Variants in USP5 observed in about 807,000 individuals in gnomAD.
The protein encoded by USP5 is ubiquitin carboxyl-terminal hydrolase 5.
USP5 carries 24 observed loss-of-function variants against 102.5 expected under a neutral mutation model. The ratio of observed to expected loss-of-function variants is 0.23; its 90% CI spans 0.17 to 0.33. USP5 has a LOEUF of 0.33. USP5 is among the 10% of genes least tolerant of loss of function. USP5 has a pLI of 1.00. For synonymous variants in USP5, 460 were observed against 434.8 expected (o/e 1.06, Z -0.72); for missense variants, 753 against 1,122.1 (o/e 0.67, Z 4.70).
At position 6,864,454 on chromosome 12, in the gene USP5, G is replaced by C. The variant is rs1331412029; in HGVS notation, c.2244+259G>C. Among the ~76,000 whole-genome samples, 3 of 152,166 alleles carry C rather than the reference G, an allele frequency of 2.0e-5. No individual in the cohort carries two copies. Among genetic ancestry groups the C allele is most frequent in the Admixed American group, 6.5e-5 (1 of 15,280 alleles). On this transcript the variant is annotated intron_variant, in intron 17 of 19. Transcript: ENST00000229268. This position sits in a 1 kb window ranked among gnomAD's most constrained non-coding sequence, Gnocchi z 4.8. ...CCTGTAATCCCAGCACTTTGGGAGG[G>C]TGAGGTGGGCGGATCACGCGGTCAG...
At position 6,864,827 on chromosome 12, in the gene USP5, A is replaced by G. The variant is rs376244475; in HGVS notation, c.2350A>G (p.Ile784Val). ...AGAGGGCCGCTCAGCTGCCGACTCC[A>G]TCTCTGAGTCTGTGCCAGTGGGACC... ...ISEGRSAADS[I>V]SESVPVGPKV... is the part of the protein sequence containing the mutation. Residue 784 changes from isoleucine (I) to valine (V), a missense_variant, in exon 18 of 20, where the codon ATC (isoleucine) becomes GTC (valine). Transcript: ENST00000229268. This position sits in a 1 kb window ranked among gnomAD's most constrained non-coding sequence, Gnocchi z 4.8. 2.7e-5 allele frequency: 43 copies of G among 1,613,882 alleles called. No homozygotes were observed. The African/African-American group carries it at 4.5e-4, about 17-fold the overall frequency.
rs782443082 is a variant in USP5 at position 6,864,682 on chromosome 12, C to G, written c.2245-40C>G. On this transcript the variant is annotated intron_variant, in intron 17 of 19. Coordinates refer to ENST00000229268, the MANE Select transcript of USP5 (RefSeq NM_001098536.2). The surrounding 1 kb of genome is among the most constrained non-coding windows in gnomAD (Gnocchi z 4.8). Reference sequence around the variant, plus strand: ...CCAGCCTGGGCGACAGAGCAAGACTCCGTCTCAAGAAAAAAAGTAATGCTT... The same window carrying G: ...CCAGCCTGGGCGACAGAGCAAGACTGCGTCTCAAGAAAAAAAGTAATGCTT... 8.2e-6 allele frequency: 13 copies of G among 1,582,198 alleles called. No homozygotes were observed. Among genetic ancestry groups the G allele is most frequent in the Middle Eastern group, 1.7e-4 (1 of 5,986 alleles).
Position 6,864,612 on chromosome 12 carries a change from C to G in USP5, c.2245-110C>G, listed in dbSNP as rs61607719. 1,250 of 1,263,764 alleles carry G rather than the reference C, an allele frequency of 9.9e-4. 12 individuals carry two copies. In the African/African-American group the frequency reaches 0.016, roughly 16 times the overall value. 78.3% of individuals were successfully genotyped at this position (1,263,764 alleles called of 1,614,324 possible). ...GCTGAGGCAGGAGAAAGGCGTGAACCCGGGAGGCGGAGCTTGCAGTGAGCC... is the reference window on the plus strand; with the variant it reads ...GCTGAGGCAGGAGAAAGGCGTGAACGCGGGAGGCGGAGCTTGCAGTGAGCC... On this transcript the variant is annotated intron_variant, in intron 17 of 19. Transcript: ENST00000229268. This position sits in a 1 kb window ranked among gnomAD's most constrained non-coding sequence, Gnocchi z 4.8.
Position 6,855,856 on chromosome 12 carries a change from G to A in USP5, c.304+35G>A, listed in dbSNP as rs368471644. The stretch of plus-strand genomic sequence containing the variant: ...GCTGCAGTCCTATTCTTCTCCCTGA[G>A]CTGGTCTTTCTGGCTCTCAGCAGCA... On this transcript the variant is annotated intron_variant, in intron 3 of 19. Coordinates refer to ENST00000229268, the MANE Select transcript of USP5 (RefSeq NM_001098536.2). The surrounding 1 kb of genome is among the most constrained non-coding windows in gnomAD (Gnocchi z 4.6). 69 of 1,614,018 alleles carry A rather than the reference G, an allele frequency of 4.3e-5. No individual in the cohort carries two copies. In the African/African-American group the frequency reaches 8.4e-4, roughly 20 times the overall value.
chr12:6,865,130 G>A (rs1944398730), intron 18 of USP5, 34 bp from the exon 19 acceptor site: 1 of 1,570,482 alleles, frequency 6.4e-7, no homozygotes, highest in Non-Finnish European at 8.8e-7. Context: ...TTCCTCTTCT[G>A]TTTCCTTCTC....
intron 8 of USP5, among the ~76,000 whole-genome samples, 195 bp from the exon 9 acceptor site, chr12:6,859,275 G>A (rs781965141): frequency 6.6e-5 from 10 of 152,292 alleles, no homozygotes; most frequent in South Asian, 2.1e-4. Flanking sequence ...GCCGCCGAGC[G>A]TGCTTGCACA....
In USP5 at chr12:6,866,164, T is replaced by A; in HGVS notation, c.*87T>A. Reference sequence around the variant, plus strand: ...GCTGAGGGATGGACTTCAGCCCCTCTGCTCTGTACCCTTTTTCCTTTTGTC... The same window carrying A: ...GCTGAGGGATGGACTTCAGCCCCTCAGCTCTGTACCCTTTTTCCTTTTGTC... On this transcript the variant is annotated 3_prime_UTR_variant, in exon 20 of 20. Transcript: ENST00000229268. The surrounding 1 kb of genome is among the most constrained non-coding windows in gnomAD (Gnocchi z 4.7). The A allele has an allele frequency of 1.6e-6, 2 of 1,228,478 alleles. No individual in the cohort carries two copies. Among genetic ancestry groups the A allele is most frequent in the Non-Finnish European group, 2.4e-6 (2 of 849,754 alleles). 76.1% of individuals were successfully genotyped at this position (1,228,478 alleles called of 1,614,324 possible). A position where few individuals can be genotyped will look rare whatever the true frequency, so the allele number is the denominator to read the frequency against.
Position 6,861,583 on chromosome 12 carries a change from A to G in USP5, c.1639A>G (p.Ser547Gly). The G allele has an allele frequency of 6.3e-7, 1 of 1,587,850 alleles. No homozygotes were observed. Among genetic ancestry groups the G allele is most frequent in the Non-Finnish European group, 8.6e-7 (1 of 1,161,920 alleles). ...GAPEQVDDFW[S>G]TALQAKSVAV... ...CCCTGAGCAGGTCGATGACTTCTGG[A>G]GCACGGCCCTGCAGGCCAAGTCAGT... The change falls in exon 13 of 20, where the codon AGC becomes GGC. Residue 547 changes from serine to glycine, a missense_variant. By Grantham distance (56) the Ser-to-Gly change is moderately conservative. This residue lies in a region of USP5 where 527 missense variants were observed against 816.5 expected (regional missense o/e 0.65). Transcript: ENST00000229268. This position sits in a 1 kb window ranked among gnomAD's most constrained non-coding sequence, Gnocchi z 4.9.
At position 6,858,191 on chromosome 12, in the gene USP5, A is replaced by G. The variant is rs1565530979; in HGVS notation, c.865-233A>G. On this transcript the variant is annotated intron_variant, in intron 7 of 19. Coordinates refer to ENST00000229268, the MANE Select transcript of USP5 (RefSeq NM_001098536.2). The surrounding 1 kb of genome is among the most constrained non-coding windows in gnomAD (Gnocchi z 4.2). ...GGAAAAACATTTCAGGTAGAAGGAAATTTTATTCCTCATTCAAGCAGAGGC... is the reference window on the plus strand; with the variant it reads ...GGAAAAACATTTCAGGTAGAAGGAAGTTTTATTCCTCATTCAAGCAGAGGC... Among the ~76,000 whole-genome samples, 1 of 152,120 alleles carries G rather than the reference A, an allele frequency of 6.6e-6. No homozygotes were observed. Among genetic ancestry groups the G allele is most frequent in the Non-Finnish European group, 1.5e-5 (1 of 68,022 alleles).
In USP5 at chr12:6,864,572, C is replaced by T. The variant is rs782222479; in HGVS notation, c.2245-150C>T. 1.2e-5 allele frequency: 10 copies of T among 865,930 alleles called. No homozygotes were observed. The highest frequency in any genetic ancestry group is 1.1e-4 in the Admixed American group (4 of 36,018). The allele number at this position is 865,930 out of a possible 1,614,324, so 53.6% of individuals were successfully genotyped here. ...AGCGTGGTGGTGGGCGTCTGTAGTC[C>T]CAGCTACTTGGGAGGCTGAGGCAGG... is the stretch of plus-strand genomic sequence containing the variant. On this transcript the variant is annotated intron_variant, in intron 17 of 19. Transcript: ENST00000229268. This position sits in a 1 kb window ranked among gnomAD's most constrained non-coding sequence, Gnocchi z 4.8.
chr12:6,862,984 T>C (rs1373329631), intron 14 of USP5, among the ~76,000 whole-genome samples: 1 of 152,180 alleles, frequency 6.6e-6, no homozygotes, highest in Admixed American at 6.5e-5. Context: ...TTATTTATGG[T>C]AGATCTAGGA....
At position 6,863,239 on chromosome 12, in the gene USP5, G is replaced by A. The variant is rs1944327918; in HGVS notation, c.1816G>A (p.Gly606Arg). Residue 606 changes from glycine to arginine, a missense_variant, in exon 15 of 20, where the codon GGG (glycine) becomes AGG (arginine). Physicochemically the swap from Gly to Arg is moderately radical, Grantham distance 125. Around this residue, in one of 3 missense-constraint regions of USP5, gnomAD observed 527 missense variants for 816.5 expected, o/e 0.65. Transcript: ENST00000229268. The surrounding 1 kb of genome is among the most constrained non-coding windows in gnomAD (Gnocchi z 4.7). Reference protein sequence around the residue: ...ELDISQLRGTGLQPGEEELPD... With the variant: ...ELDISQLRGTRLQPGEEELPD... ...CGACATCTCCCAGTTGAGGGGCACA[G>A]GGCTGCAGCCCGGAGAGGAGGAGCT... 1.2e-6 allele frequency: 2 copies of A among 1,614,050 alleles called. No individual in the cohort carries two copies. Among genetic ancestry groups the A allele is most frequent in the East Asian group, 4.5e-5 (2 of 44,896 alleles).
rs944587764 is a variant in USP5 at position 6,866,531 on chromosome 12, G to A, written c.*454G>A. The A allele has an allele frequency of 6.0e-5, 10 of 166,312 alleles. No homozygotes were observed. In the South Asian group the frequency reaches 7.7e-4, roughly 13 times the overall value. The allele number at this position is 166,312 out of a possible 1,614,324, so 10.3% of individuals were successfully genotyped here. A position where few individuals can be genotyped will look rare whatever the true frequency, so the allele number is the denominator to read the frequency against. On this transcript the variant is annotated 3_prime_UTR_variant, in exon 20 of 20. Transcript: ENST00000229268. The surrounding 1 kb of genome is among the most constrained non-coding windows in gnomAD (Gnocchi z 4.7). The stretch of plus-strand genomic sequence containing the variant: ...GATGTGAGGGAAATAGGGACCCCCC[G>A]ACTTGCCCTCCTGCCTCAGTCTTTC...
chr12:6,859,428 T>C (rs1783541946), intron 8 of USP5, 42 bp from the exon 9 acceptor site: 1 of 1,603,218 alleles, frequency 6.2e-7, no homozygotes, highest in Admixed American at 1.7e-5. Flanking sequence ...TCCTCGGCGC[T>C]CAGGCCAGAG....
intron 13 of USP5, among the ~76,000 whole-genome samples, chr12:6,862,017 C>G (rs781821563): frequency 6.6e-6 from 1 of 151,632 alleles, no homozygotes; most frequent in East Asian, 1.9e-4. Context: ...GCTTTGGTCT[C>G]GGGGAGTCAG....
chr12:6,854,456 A>G (rs1944049323), intron 1 of USP5, among the ~76,000 whole-genome samples: 1 of 152,154 alleles, frequency 6.6e-6, no homozygotes, highest in Non-Finnish European at 1.5e-5. Flanking sequence ...AGAATGTGGT[A>G]AAAGAAAGGT....
rs781995747 is a variant in USP5 at position 6,866,118 on chromosome 12, C to T, written c.*41C>T. 6.4e-7 allele frequency: 1 copy of T among 1,574,346 alleles called. No homozygotes were observed. Among genetic ancestry groups the T allele is most frequent in the Admixed American group, 1.7e-5 (1 of 59,826 alleles). ...CTTACCAATGAGGGCAGGGGAAGAC[C>T]ACCTGGCATGAGGGAGAGGGGCTGA... is the stretch of plus-strand genomic sequence containing the variant. On this transcript the variant is annotated 3_prime_UTR_variant, in exon 20 of 20. Transcript: ENST00000229268. The surrounding 1 kb of genome is among the most constrained non-coding windows in gnomAD (Gnocchi z 4.7).
At chr12:6,859,663 T>C (rs1944218356) in intron 9 of USP5, 122 bp downstream of exon 9, 1 of 1,030,482 alleles carries the variant, frequency 9.7e-7, no homozygotes, top group African/African-American at 1.6e-5. Context: ...TTGTTTTGTT[T>C]TGTTTTTTGA....
rs377118724 is a variant in USP5, at chr12:6,864,643, C to A, written c.2245-79C>A. ...GGCGGAGCTTGCAGTGAGCCGAGAT[C>A]GCGCCACTGCACTCCAGCCTGGGCG... is the stretch of plus-strand genomic sequence containing the variant. On this transcript the variant is annotated intron_variant, in intron 17 of 19. Coordinates refer to ENST00000229268, the MANE Select transcript of USP5 (RefSeq NM_001098536.2). The surrounding 1 kb of genome is among the most constrained non-coding windows in gnomAD (Gnocchi z 4.8). The A allele has an allele frequency of 1.1e-5, 17 of 1,484,392 alleles. No homozygotes were observed. The highest frequency in any genetic ancestry group is 1.8e-5 in the Admixed American group (1 of 55,388). 92.0% of individuals were successfully genotyped at this position (1,484,392 alleles called of 1,614,324 possible). A position where few individuals can be genotyped will look rare whatever the true frequency, so the allele number is the denominator to read the frequency against.
Sources: gnomAD v4.1 joint callset for allele counts (sites outside exome capture counted in the v4.1 genomes callset) on GRCh38, gnomAD v4.1.1 for gene constraint, gnomAD v4.1.1 regional missense constraint, Gnocchi (gnomAD v3.1) non-coding constraint, MANE v1.5 for transcripts, NCBI Gene and HGNC (gene_info 2026-07-23, HGNC 2026-07-21) for gene names.